The following MAD1L1 variants were observed in gnomAD, a reference collection of about 807,000 sequenced individuals.
The protein encoded by MAD1L1 is mitotic spindle assembly checkpoint protein MAD1.
Under a neutral mutation model 96.9 loss-of-function variants are expected in MAD1L1, and 95 were observed. That is an observed-to-expected ratio of 0.98 (90% CI 0.83 to 1.16). MAD1L1 has a LOEUF of 1.16. MAD1L1 is among the 50% of genes most tolerant of loss of function. The pLI is 0.00. For missense variants in MAD1L1, 1,007 were observed against 954.4 expected (o/e 1.06, Z -0.73); for synonymous variants, 473 against 396.6 (o/e 1.19, Z -2.29).
intron 12 of MAD1L1, among the ~76,000 whole-genome samples, chr7:2,056,098 A>G (rs1025094773): frequency 2.0e-5 from 3 of 152,248 alleles, no homozygotes; most frequent in African/African-American, 7.2e-5. Flanking sequence ...GGGGCCACAG[A>G]GCTGACCCCC....
At chr7:1,842,228 G>A (rs558031024) in intron 18 of MAD1L1, among the ~76,000 whole-genome samples, 8 of 152,276 alleles carry the variant, frequency 5.3e-5, no homozygotes, top group African/African-American at 1.4e-4. Context: ...CTACCATGCC[G>A]GTAATTAAGC....
intron 18 of MAD1L1, chr7:1,817,401 C>T (rs905165049): frequency 6.6e-6 from 1 of 152,370 alleles, no homozygotes; most frequent in African/African-American, 2.4e-5. Flanking sequence ...CCATCACCAA[C>T]AGATGGAACG....
intron 11 of MAD1L1, among the ~76,000 whole-genome samples, chr7:2,091,080 C>T (rs1786187712): frequency 6.6e-6 from 1 of 152,200 alleles, no homozygotes; most frequent in Non-Finnish European, 1.5e-5. Flanking sequence ...AAGTGTTTCG[C>T]CTTCAGCCAC....
chr7:2,190,177 T>C (rs1177857796), intron 10 of MAD1L1, among the ~76,000 whole-genome samples: 2 of 152,146 alleles, frequency 1.3e-5, no homozygotes, highest in African/African-American at 4.8e-5. Context: ...TGACAGTAAT[T>C]ACGACCTTAC....
At chr7:1,891,938 G>C (rs1333023886) in intron 18 of MAD1L1, among the ~76,000 whole-genome samples, 1 of 152,104 alleles carries the variant, frequency 6.6e-6, no homozygotes, top group Admixed American at 6.5e-5. Context: ...TAGCCTAAGT[G>C]GTACGGCATT....
intron 15 of MAD1L1, among the ~76,000 whole-genome samples, chr7:1,971,165 C>T (rs1030236988): frequency 5.9e-5 from 9 of 152,062 alleles, no homozygotes; most frequent in Non-Finnish European, 7.4e-5. Flanking sequence ...TGGAGATGCA[C>T]GCAGTGCCAT....
At chr7:1,989,009 A>G (rs941088337) in intron 14 of MAD1L1, among the ~76,000 whole-genome samples, 1 of 152,210 alleles carries the variant, frequency 6.6e-6, no homozygotes, top group African/African-American at 2.4e-5. Context: ...CACATACCTG[A>G]GAAGGGTCTA....
At chr7:2,033,417 A>G (rs1447780298) in intron 12 of MAD1L1, among the ~76,000 whole-genome samples, 1 of 152,268 alleles carries the variant, frequency 6.6e-6, no homozygotes, top group Non-Finnish European at 1.5e-5. Context: ...GGAATGACAG[A>G]GAAAGACCAG....
At chr7:2,030,745 G>A (rs1235768673) in intron 12 of MAD1L1, among the ~76,000 whole-genome samples, 1 of 152,232 alleles carries the variant, frequency 6.6e-6, no homozygotes, top group Non-Finnish European at 1.5e-5. Context: ...AGGTTTTGAA[G>A]GGCAATACTG....
chr7:1,832,986 C>G (rs59410940), intron 18 of MAD1L1, among the ~76,000 whole-genome samples: 22,664 of 151,884 alleles, frequency 0.15, 2,007 homozygotes, highest in South Asian at 0.27. Flanking sequence ...CAACCACCAC[C>G]CTGATCTGTC....
intron 14 of MAD1L1, chr7:1,980,893 C>T (rs902115569): frequency 1.3e-4 from 50 of 395,012 alleles, no homozygotes; most frequent in Middle Eastern, 7.9e-4. Context: ...AGCCACAAGC[C>T]GTCGTTTATT....
At chr7:2,182,681 C>T (rs7783678) in intron 10 of MAD1L1, among the ~76,000 whole-genome samples, 7,119 of 152,224 alleles carry the variant, frequency 0.047, 586 homozygotes, top group African/African-American at 0.16. Flanking sequence ...CCCTTGAGAA[C>T]GTGCTGAGAG....
chr7:1,852,558 G>A (rs1383196342), intron 18 of MAD1L1, among the ~76,000 whole-genome samples: 3 of 152,178 alleles, frequency 2.0e-5, no homozygotes, highest in African/African-American at 7.2e-5. Flanking sequence ...GAGAGGTCCG[G>A]GTGACGTTAT....
At chr7:1,851,303 G>C (rs1468342945) in intron 18 of MAD1L1, among the ~76,000 whole-genome samples, 3 of 152,242 alleles carry the variant, frequency 2.0e-5, no homozygotes, top group Non-Finnish European at 4.4e-5. Flanking sequence ...ACAGGGTTGG[G>C]GGCTGATGGC....
At chr7:2,033,736 C>T (rs999379446) in intron 12 of MAD1L1, among the ~76,000 whole-genome samples, 57 of 152,226 alleles carry the variant, frequency 3.7e-4, no homozygotes, top group Non-Finnish European at 6.5e-4. Flanking sequence ...CAGTCACGGG[C>T]GCTTCTGGAA....
intron 17 of MAD1L1, among the ~76,000 whole-genome samples, chr7:1,904,184 A>G (rs1468624811): frequency 7.2e-4 from 79 of 109,724 alleles, no homozygotes; most frequent in South Asian, 1.3e-3. Context: ...ATTCATGATT[A>G]ATGAAGCACT....
intron 17 of MAD1L1, among the ~76,000 whole-genome samples, chr7:1,908,486 A>G (rs1427657547): frequency 6.6e-6 from 1 of 152,084 alleles, no homozygotes; most frequent in Non-Finnish European, 1.5e-5. Context: ...GGCTCAAGCA[A>G]TCCTCCCACC....
chr7:2,042,861 A>C (rs1297718211), intron 12 of MAD1L1, among the ~76,000 whole-genome samples: 2 of 150,310 alleles, frequency 1.3e-5, no homozygotes, highest in African/African-American at 4.9e-5. Context: ...AATACACCTG[A>C]GGAGCCTTCA....
At chr7:2,036,265 G>C in intron 12 of MAD1L1, among the ~76,000 whole-genome samples, 1 of 98,464 alleles carries the variant, frequency 1.0e-5, no homozygotes, top group Non-Finnish European at 2.1e-5. Context: ...TGACAAGTCG[G>C]GACAGAGCTG....
Sources: gnomAD v4.1 joint callset for allele counts (sites outside exome capture counted in the v4.1 genomes callset) on GRCh38, gnomAD v4.1.1 for gene constraint, MANE v1.5 for transcripts, NCBI Gene and HGNC (gene_info 2026-07-23, HGNC 2026-07-21) for gene names.